The following LYZL4 variants were observed in gnomAD, a reference collection of about 807,000 sequenced individuals.
The protein encoded by LYZL4 is lysozyme-like protein 4.
A neutral mutation model predicts 17.6 loss-of-function variants in LYZL4; 13 were observed. The ratio of observed to expected loss-of-function variants is 0.74; its 90% CI spans 0.48 to 1.18. LYZL4 has a LOEUF of 1.18. Ranked by LOEUF, LYZL4 falls within the 50% of genes most tolerant of loss-of-function variation. LYZL4 has a pLI of 0.00. For missense variants in LYZL4, 174 were observed against 188.2 expected (o/e 0.92, Z 0.44); for synonymous variants, 64 against 67.7 (o/e 0.95, Z 0.27).
the LYZL4 span, among the ~76,000 whole-genome samples, chr3:42,385,106 C>T: frequency 6.6e-6 from 1 of 151,650 alleles, no homozygotes; most frequent in African/African-American, 2.4e-5. Flanking sequence ...AATGTTTTTC[C>T]TGTGATAATT....
chr3:42,367,144 C>T, the LYZL4 span, among the ~76,000 whole-genome samples: 4 of 152,152 alleles, frequency 2.6e-5, no homozygotes, highest in South Asian at 8.3e-4. Context: ...GGCTGAAGCA[C>T]CGGTTGCCTC....
chr3:42,363,177 AAAAT>A, the LYZL4 span, among the ~76,000 whole-genome samples: 1 of 152,228 alleles, frequency 6.6e-6, no homozygotes, highest in African/African-American at 2.4e-5. Flanking sequence ...ATTCTACGAT[AAAAT>A]AAATAGACAT....
At chr3:42,361,078 C>A in the LYZL4 span, among the ~76,000 whole-genome samples, 1 of 152,194 alleles carries the variant, frequency 6.6e-6, no homozygotes, top group Non-Finnish European at 1.5e-5. Context: ...TCCCATTCCA[C>A]CTCCCATGAG....
chr3:42,393,228 T>C (rs1374424587), downstream of LYZL4, among the ~76,000 whole-genome samples: 1 of 151,962 alleles, frequency 6.6e-6, no homozygotes, highest in East Asian at 1.9e-4. Context: ...TTAGGGACAA[T>C]CGTGGAAAGC....
the LYZL4 span, among the ~76,000 whole-genome samples, chr3:42,376,511 CCA>C: frequency 6.6e-6 from 1 of 152,328 alleles, no homozygotes; most frequent in East Asian, 1.9e-4. Flanking sequence ...AATTTTCTTT[CCA>C]GTTTGTTCTC....
downstream of LYZL4, among the ~76,000 whole-genome samples, chr3:42,396,175 C>T (rs1216667885): frequency 2.8e-4 from 43 of 152,212 alleles, no homozygotes; most frequent in Non-Finnish European, 1.5e-5. Flanking sequence ...CTTTGAAGAA[C>T]TACAACACCA....
At chr3:42,369,691 G>A in the LYZL4 span, among the ~76,000 whole-genome samples, 4 of 152,192 alleles carry the variant, frequency 2.6e-5, no homozygotes, top group South Asian at 4.1e-4. Context: ...CTCCCCATCC[G>A]GAGGGGCAAT....
chr3:42,407,610 A>C (rs753866032), intron 1 of LYZL4: 4 of 226,466 alleles, frequency 1.8e-5, no homozygotes, highest in Non-Finnish European at 2.6e-5. Context: ...TTTCACTCTG[A>C]CATTAGATAC....
rs951996453 is a variant in LYZL4, at chr3:42,410,529, T to G, written c.-205A>C. 2 of 152,130 alleles carry G rather than the reference T, an allele frequency of 1.3e-5. No individual in the cohort carries two copies. Among genetic ancestry groups the G allele is most frequent in the African/African-American group, 2.4e-5 (1 of 41,408 alleles). 9.4% of individuals were successfully genotyped at this position (152,130 alleles called of 1,614,324 possible). A position where few individuals can be genotyped will look rare whatever the true frequency, so the allele number is the denominator to read the frequency against. On this transcript the variant is annotated 5_prime_UTR_variant, in exon 1 of 5. Coordinates refer to ENST00000287748, the MANE Select transcript of LYZL4 (RefSeq NM_144634.4). The stretch of plus-strand genomic sequence containing the variant: ...TGCAGGGAAGTTGCTCCACCTACAT[T>G]TGGTTCCTTGGGTTTTTCAGATGCT...
chr3:42,376,793 G>A, the LYZL4 span, among the ~76,000 whole-genome samples: 1,300 of 152,264 alleles, frequency 8.5e-3, 49 homozygotes, highest in East Asian at 0.049. Context: ...AAGAGAATCC[G>A]GTTTCAAGGT....
intron 1 of LYZL4, 100 bp from the exon 2 acceptor site, chr3:42,407,443 G>A (rs908239473): frequency 1.2e-5 from 8 of 685,888 alleles, no homozygotes; most frequent in South Asian, 7.9e-5. Flanking sequence ...TCTCTGCTTC[G>A]TGTCACTGCA....
the LYZL4 span, among the ~76,000 whole-genome samples, chr3:42,386,810 A>AAT: frequency 6.6e-6 from 1 of 152,146 alleles, no homozygotes; most frequent in African/African-American, 2.4e-5. Context: ...TTCACAGATA[A>AAT]AATGCTATGA....
the LYZL4 span, among the ~76,000 whole-genome samples, chr3:42,380,303 G>A: frequency 1.3e-5 from 2 of 152,198 alleles, no homozygotes; most frequent in Admixed American, 1.3e-4. Context: ...GGAATCTTGT[G>A]AGTGTAAGTT....
Position 42,397,142 on chromosome 3 carries a change from C to G in LYZL4, c.*123G>C. ...ATCCCCGGATGAAGCAAACTTTTGTCTTTTTCCATCTGGAACTCTTAAAGT... is the reference window on the plus strand; with the variant it reads ...ATCCCCGGATGAAGCAAACTTTTGTGTTTTTCCATCTGGAACTCTTAAAGT... On this transcript the variant is annotated 3_prime_UTR_variant, in exon 5 of 5. Transcript: ENST00000287748. The G allele has an allele frequency of 1.4e-6, 1 of 709,240 alleles. No individual in the cohort carries two copies. The highest frequency in any genetic ancestry group is 2.8e-5 in the Admixed American group (1 of 35,874). The allele number at this position is 709,240 out of a possible 1,614,324, so 43.9% of individuals were successfully genotyped here. A position where few individuals can be genotyped will look rare whatever the true frequency, so the allele number is the denominator to read the frequency against.
Position 42,404,068 on chromosome 3 carries a change from C to T in LYZL4, c.349G>A (p.Gly117Arg). 1 of 1,612,406 alleles carries T rather than the reference C, an allele frequency of 6.2e-7. No individual in the cohort carries two copies. The highest frequency in any genetic ancestry group is 1.7e-4 in the Middle Eastern group (1 of 6,060). Residue 117 changes from glycine (G) to arginine (R), a missense_variant, in exon 4 of 5, where the codon GGA becomes AGA. Transcript: ENST00000287748. ...TACCATGCTCCCATCCCTTCTTTTC[C>T]TTTTACAATGGTCTTGGCACATTTA... ...TIKCAKTIVK[G>R]KEGMGAWPTW...
chr3:42,386,156 G>A, the LYZL4 span, among the ~76,000 whole-genome samples: 1 of 151,928 alleles, frequency 6.6e-6, no homozygotes, highest in Non-Finnish European at 1.5e-5. Flanking sequence ...AGGCTGGAGT[G>A]CAGTGGTGTG....
At chr3:42,385,658 A>G in the LYZL4 span, among the ~76,000 whole-genome samples, 8 of 152,276 alleles carry the variant, frequency 5.3e-5, no homozygotes, top group Non-Finnish European at 8.8e-5. Context: ...GGGGACCACA[A>G]AGAGCCTGGA....
At chr3:42,368,099 AC>A in the LYZL4 span, among the ~76,000 whole-genome samples, 1 of 148,042 alleles carries the variant, frequency 6.8e-6, no homozygotes, top group Non-Finnish European at 1.5e-5. Flanking sequence ...CCACATTCCA[AC>A]ACAGGCAGCC....
At chr3:42,393,860 C>T (rs575647742), downstream of LYZL4, among the ~76,000 whole-genome samples, 6 of 152,080 alleles carry the variant, frequency 3.9e-5, no homozygotes, top group Non-Finnish European at 7.3e-5. Flanking sequence ...GGCGTGATCT[C>T]GGCTCACTGC....
Sources: gnomAD v4.1 joint callset for allele counts (sites outside exome capture counted in the v4.1 genomes callset) on GRCh38, gnomAD v4.1.1 for gene constraint, MANE v1.5 for transcripts, NCBI Gene and HGNC (gene_info 2026-07-23, HGNC 2026-07-21) for gene names.